Variants in ARHGDIA observed in about 807,000 individuals in gnomAD.
The protein encoded by ARHGDIA is rho GDP-dissociation inhibitor 1.
In ARHGDIA, 9 loss-of-function variants were observed where a neutral mutation model predicts 25.0. The ratio of observed to expected loss-of-function variants is 0.36; its 90% CI spans 0.22 to 0.63. ARHGDIA has a LOEUF of 0.63. Ranked by LOEUF, ARHGDIA falls within the 20% of genes least tolerant of loss-of-function variation. ARHGDIA has a pLI of 0.69. For synonymous variants in ARHGDIA, 166 were observed against 111.5 expected, an observed-to-expected ratio of 1.49 and a Z score of -3.08; for missense variants, 239 against 264.3, an observed-to-expected ratio of 0.90 and a Z score of 0.66.
Position 81,868,497 on chromosome 17 carries a change from A to G in ARHGDIA, c.*379T>C, listed in dbSNP as rs1170559998. ...AGCTCCACCCCGGAGCAGCAGACGC[A>G]CACGTCCAGGGGCAACCACGGGGCC... On this transcript the variant is annotated 3_prime_UTR_variant, in exon 6 of 6. Coordinates refer to ENST00000269321, the MANE Select transcript of ARHGDIA (RefSeq NM_004309.6). The G allele has an allele frequency of 1.0e-5, 16 of 1,527,764 alleles. No homozygotes were observed. The East Asian group carries it at 3.9e-4, about 37-fold the overall frequency. The allele number at this position is 1,527,764 out of a possible 1,614,324, so 94.6% of individuals were successfully genotyped here.
rs774579724 is a variant in ARHGDIA at position 81,868,479 on chromosome 17, C to T, written c.*397G>A. 6.6e-7 allele frequency: 1 copy of T among 1,522,280 alleles called. No individual in the cohort carries two copies. The highest frequency in any genetic ancestry group is 8.8e-7 in the Non-Finnish European group (1 of 1,138,484). The allele number at this position is 1,522,280 out of a possible 1,614,324, so 94.3% of individuals were successfully genotyped here. A position where few individuals can be genotyped will look rare whatever the true frequency, so the allele number is the denominator to read the frequency against. On this transcript the variant is annotated 3_prime_UTR_variant, in exon 6 of 6. Coordinates refer to ENST00000269321, the MANE Select transcript of ARHGDIA (RefSeq NM_004309.6). ...CCGTGCATCCCACACCCCAGCTCCA[C>T]CCCGGAGCAGCAGACGCACACGTCC...
Position 81,868,357 on chromosome 17 carries a change from T to G in ARHGDIA, c.*519A>C. ...AGGCTAGTGAGGCCCCACGGTACAC[T>G]CCACATGTTAAGGCATCATGGTTAG... On this transcript the variant is annotated 3_prime_UTR_variant, in exon 6 of 6. Transcript: ENST00000269321. The G allele has an allele frequency of 7.0e-7, 1 of 1,435,780 alleles. No individual in the cohort carries two copies. The allele number at this position is 1,435,780 out of a possible 1,614,324, so 88.9% of individuals were successfully genotyped here.
rs758277491 is a variant in ARHGDIA at position 81,869,605 on chromosome 17, C to CGACGTTGGG, written c.202_210dup (p.Pro68_Val70dup). 3 of 1,521,478 alleles carry CGACGTTGGG rather than the reference C, an allele frequency of 2.0e-6. No individual in the cohort carries two copies. Among genetic ancestry groups the CGACGTTGGG allele is most frequent in the Non-Finnish European group, 2.6e-6 (3 of 1,136,986 alleles). The allele number at this position is 1,521,478 out of a possible 1,614,324, so 94.2% of individuals were successfully genotyped here. A position where few individuals can be genotyped will look rare whatever the true frequency, so the allele number is the denominator to read the frequency against. ...CACACCAGGGTCAGGCCAGTCACCA[C>CGACGTTGGG]GACGTTGGGGACGTTGGGGTCTGGG... On this transcript the variant is annotated inframe_insertion, in exon 3 of 6. Coordinates refer to ENST00000269321, the MANE Select transcript of ARHGDIA (RefSeq NM_004309.6).
chr17:81,869,277 A>G, intron 4 of ARHGDIA, 41 bp from the exon 5 acceptor site: 1 of 1,613,548 alleles, frequency 6.2e-7, no homozygotes, highest in Non-Finnish European at 8.5e-7. Flanking sequence ...GTCGGTCCGG[A>G]CCCCAGCCCC....
intron 2 of ARHGDIA, 48 bp from the exon 3 acceptor site, chr17:81,869,673 G>C (rs1402968737): frequency 1.3e-6 from 2 of 1,540,810 alleles, no homozygotes; most frequent in Non-Finnish European, 1.7e-6. Context: ...AGTGGAAGTA[G>C]GGGCTGGGGA....
chr17:81,871,328 C>A lies in ARHGDIA; in HGVS notation c.-58G>T. The A allele has an allele frequency of 6.6e-6, 1 of 152,526 alleles. No homozygotes were observed. The highest frequency in any genetic ancestry group is 1.8e-4 in the South Asian group (1 of 5,470). 9.4% of individuals were successfully genotyped at this position (152,526 alleles called of 1,614,324 possible). ...GGTTCGGCCGCGCGGTTCAGGATCC[C>A]TCCCGCACTAAATGACGAACGTCGT... On this transcript the variant is annotated 5_prime_UTR_variant, in exon 1 of 6. The change creates a new upstream start codon in the 5' untranslated region. Coordinates refer to ENST00000269321, the MANE Select transcript of ARHGDIA (RefSeq NM_004309.6).
chr17:81,869,628 G>A lies in ARHGDIA; in HGVS notation c.191-3C>T. ...CACGACGTTGGGGACGTTGGGGTCT[G>A]GGGAGTGACAGCAGGTGAGGGCCCC... On this transcript the variant is annotated splice_region_variant and splice_polypyrimidine_tract_variant and intron_variant, in intron 2 of 5. Coordinates refer to ENST00000269321, the MANE Select transcript of ARHGDIA (RefSeq NM_004309.6). The A allele has an allele frequency of 6.6e-7, 1 of 1,518,276 alleles. No individual in the cohort carries two copies. The highest frequency in any genetic ancestry group is 8.8e-7 in the Non-Finnish European group (1 of 1,134,284). The allele number at this position is 1,518,276 out of a possible 1,614,324, so 94.1% of individuals were successfully genotyped here. A position where few individuals can be genotyped will look rare whatever the true frequency, so the allele number is the denominator to read the frequency against.
chr17:81,868,775 G>GC lies in ARHGDIA; in HGVS notation c.*100dup, dbSNP rs2039151494. The GC allele has an allele frequency of 6.6e-7, 1 of 1,525,004 alleles. No individual in the cohort carries two copies. The highest frequency in any genetic ancestry group is 8.8e-7 in the Non-Finnish European group (1 of 1,132,348). 94.5% of individuals were successfully genotyped at this position (1,525,004 alleles called of 1,614,324 possible). A position where few individuals can be genotyped will look rare whatever the true frequency, so the allele number is the denominator to read the frequency against. ...GACCAGGGTGGGAGGGGCACGGAGG[G>GC]CCTGTCAGCACTTTGGTATGGGGAG... On this transcript the variant is annotated 3_prime_UTR_variant, in exon 6 of 6. Transcript: ENST00000269321.
In ARHGDIA at chr17:81,869,036, C is replaced by G; in HGVS notation, c.455G>C (p.Arg152Pro). Residue 152 changes from arginine to proline, a missense_variant, in exon 6 of 6, where the codon CGG (arginine) becomes CCG (proline). Around this residue, in one of 3 missense-constraint regions of ARHGDIA, gnomAD observed 75 missense variants for 122.4 expected, o/e 0.61. Coordinates refer to ENST00000269321, the MANE Select transcript of ARHGDIA (RefSeq NM_004309.6). ...GGTCAGGAACTCGTACTCCTCGGCC[C>G]GGGGCCCATAGCTGCCTACCATGTA... is the stretch of plus-strand genomic sequence containing the variant. ...TDYMVGSYGP[R>P]AEEYEFLTPV... 6.2e-7 allele frequency: 1 copy of G among 1,613,542 alleles called. No homozygotes were observed. Among genetic ancestry groups the G allele is most frequent in the Non-Finnish European group, 8.5e-7 (1 of 1,179,930 alleles).
chr17:81,868,658 CGAGACAG>C lies in ARHGDIA; in HGVS notation c.*211_*217del, dbSNP rs1567849778. On this transcript the variant is annotated 3_prime_UTR_variant, in exon 6 of 6. Transcript: ENST00000269321. The stretch of plus-strand genomic sequence containing the variant: ...CCCACAGCACAGGCAGAAGCAGCAA[CGAGACAG>C]GAGACCGAGGAGGCTGGGCCTGTGG... 1 of 1,535,044 alleles carries C rather than the reference CGAGACAG, an allele frequency of 6.5e-7. No homozygotes were observed. Among genetic ancestry groups the C allele is most frequent in the Non-Finnish European group, 8.7e-7 (1 of 1,146,742 alleles).
chr17:81,870,830 A>G (rs1297801068), intron 1 of ARHGDIA: 3 of 151,882 alleles, frequency 2.0e-5, no homozygotes, highest in Non-Finnish European at 2.9e-5. Context: ...AGGGCCCGCA[A>G]TCCGTGCCGG....
In ARHGDIA at chr17:81,869,426, C is replaced by T. The variant is rs372602369; in HGVS notation, c.275-20G>A. On this transcript the variant is annotated intron_variant, in intron 3 of 5. Transcript: ENST00000269321. ...GGTCGCCTGTTGGGGGGACCTCCCCCTCAATGACTGCCCAGCAGCCCTGCG... is the reference window on the plus strand; with the variant it reads ...GGTCGCCTGTTGGGGGGACCTCCCCTTCAATGACTGCCCAGCAGCCCTGCG... 1.2e-6 allele frequency: 2 copies of T among 1,612,962 alleles called. No homozygotes were observed. Among genetic ancestry groups the T allele is most frequent in the Non-Finnish European group, 1.7e-6 (2 of 1,179,840 alleles).
Position 81,869,841 on chromosome 17 carries a change from C to A in ARHGDIA, c.90G>T (p.Pro30=). ...GGATCTCCTGGATGCTCTTCTGGGC[C>A]GGGGGCTTGTAGTTGACCGAGTGCT... ...EDEHSVNYKP[P]AQKSIQEIQE... is the part of the protein sequence containing the mutation. The change falls in exon 2 of 6, where the codon CCG becomes CCT. Residue 30 remains proline, a synonymous_variant. Transcript: ENST00000269321. 4 of 1,614,134 alleles carry A rather than the reference C, an allele frequency of 2.5e-6. No individual in the cohort carries two copies. Among genetic ancestry groups the A allele is most frequent in the Non-Finnish European group, 3.4e-6 (4 of 1,180,020 alleles).
rs2143405875 is a variant in ARHGDIA at position 81,868,346 on chromosome 17, C to T, written c.*530G>A. 1.4e-6 allele frequency: 2 copies of T among 1,429,094 alleles called. No individual in the cohort carries two copies. Among genetic ancestry groups the T allele is most frequent in the African/African-American group, 2.9e-5 (2 of 69,670 alleles). 88.5% of individuals were successfully genotyped at this position (1,429,094 alleles called of 1,614,324 possible). ...CAGGGAGTTAGAGGCTAGTGAGGCC[C>T]CACGGTACACTCCACATGTTAAGGC... On this transcript the variant is annotated 3_prime_UTR_variant, in exon 6 of 6. Coordinates refer to ENST00000269321, the MANE Select transcript of ARHGDIA (RefSeq NM_004309.6).
In ARHGDIA at chr17:81,869,007, C is replaced by CG. The variant is rs1567851008; in HGVS notation, c.483dup (p.Val162ArgfsTer210). On this transcript the variant is annotated frameshift_variant, in exon 6 of 6. Transcript: ENST00000269321. LOFTEE classifies it high-confidence loss of function. The stretch of plus-strand genomic sequence containing the variant: ...AGCATACCCTTGGGTGCCTCCTCCA[C>CG]GGGGGTCAGGAACTCGTACTCCTCG... 1 of 1,613,712 alleles carries CG rather than the reference C, an allele frequency of 6.2e-7. No homozygotes were observed.
rs1427438632 is a variant in ARHGDIA at position 81,869,839 on chromosome 17, G to A, written c.92C>T (p.Ala31Val). Residue 31 changes from alanine (A) to valine (V), a missense_variant, in exon 2 of 6, where the codon GCC becomes GTC. By Grantham distance (64) the Ala-to-Val change is moderately conservative. Around this residue, in one of 3 missense-constraint regions of ARHGDIA, gnomAD observed 135 missense variants for 119.8 expected, o/e 1.13. Transcript: ENST00000269321. ...DEHSVNYKPPAQKSIQEIQEL... is the reference protein window; with the variant it reads ...DEHSVNYKPPVQKSIQEIQEL... ...CTGGATCTCCTGGATGCTCTTCTGG[G>A]CCGGGGGCTTGTAGTTGACCGAGTG... The A allele has an allele frequency of 2.2e-5, 35 of 1,614,020 alleles. No individual in the cohort carries two copies. Among genetic ancestry groups the A allele is most frequent in the Non-Finnish European group, 2.7e-5 (32 of 1,180,038 alleles).
chr17:81,868,714 G>C lies in ARHGDIA; in HGVS notation c.*162C>G, dbSNP rs1371808870. The C allele has an allele frequency of 6.5e-7, 1 of 1,533,370 alleles. No individual in the cohort carries two copies. The highest frequency in any genetic ancestry group is 1.2e-5 in the South Asian group (1 of 83,156). The allele number at this position is 1,533,370 out of a possible 1,614,324, so 95.0% of individuals were successfully genotyped here. On this transcript the variant is annotated 3_prime_UTR_variant, in exon 6 of 6. Coordinates refer to ENST00000269321, the MANE Select transcript of ARHGDIA (RefSeq NM_004309.6). ...GGGTGGGGGAGGGCTGAGGAGGGGGGTCGGAGGCACTCGGTTGAGCCAGGC... is the reference window on the plus strand; with the variant it reads ...GGGTGGGGGAGGGCTGAGGAGGGGGCTCGGAGGCACTCGGTTGAGCCAGGC...
At chr17:81,869,273 C>G (rs935382178) in intron 4 of ARHGDIA, 37 bp from the exon 5 acceptor site, 1 of 1,614,088 alleles carries the variant, frequency 6.2e-7, no homozygotes, top group Non-Finnish European at 8.5e-7. Flanking sequence ...GAAGGTCGGT[C>G]CGGACCCCAG....
chr17:81,868,039 G>C lies in ARHGDIA; in HGVS notation c.*837C>G. On this transcript the variant is annotated 3_prime_UTR_variant, in exon 6 of 6. Transcript: ENST00000269321. ...TGGGGTGAGTGAGGCTGTCCATCGA[G>C]GGCTCTTGGGGGGGTGTGGGCTCTG... The C allele has an allele frequency of 4.0e-6, 1 of 249,890 alleles. No individual in the cohort carries two copies. Among genetic ancestry groups the C allele is most frequent in the Non-Finnish European group, 7.7e-6 (1 of 130,356 alleles). 15.5% of individuals were successfully genotyped at this position (249,890 alleles called of 1,614,324 possible). A position where few individuals can be genotyped will look rare whatever the true frequency, so the allele number is the denominator to read the frequency against.
Sources: allele counts gnomAD v4.1 joint callset, GRCh38; gene constraint gnomAD v4.1.1; regional missense constraint gnomAD v4.1.1; transcripts MANE v1.5; gene names NCBI Gene and HGNC (gene_info 2026-07-23, HGNC 2026-07-21).